ANXA7: variants seen among roughly 807,000 people sequenced by gnomAD.
ANXA7 encodes the protein annexin A7, also known as annexin VII.
ANXA7 carries 55 observed loss-of-function variants against 64.9 expected under a neutral mutation model. That is an observed-to-expected ratio of 0.85 (90% CI 0.68 to 1.06). ANXA7 has a LOEUF of 1.06. Among genes scored for constraint, ANXA7 ranks in the 50% least tolerant of loss-of-function variants. The probability of loss-of-function intolerance (pLI) is 0.00; values close to 1 mark genes in which losing one functional copy is unlikely to be tolerated. For synonymous variants in ANXA7, 200 were observed against 192.4 expected (o/e 1.04, Z -0.33); for missense variants, 548 against 582.1 (o/e 0.94, Z 0.60).
intron 5 of ANXA7, among the ~76,000 whole-genome samples, chr10:73,395,133 A>G (rs910978377): frequency 3.3e-5 from 5 of 152,206 alleles, no homozygotes; most frequent in Non-Finnish European, 7.3e-5. Flanking sequence ...TGTATAAGAG[A>G]GAGACCGCTG....
At chr10:73,395,692 A>T (rs530032972) in intron 5 of ANXA7, among the ~76,000 whole-genome samples, 2 of 152,148 alleles carry the variant, frequency 1.3e-5, no homozygotes, top group East Asian at 3.9e-4. Flanking sequence ...AGGCTGAGGC[A>T]GGAAAATCGC....
At chr10:73,376,761 T>G (rs1375207414) in intron 12 of ANXA7, among the ~76,000 whole-genome samples, 20 of 151,782 alleles carry the variant, frequency 1.3e-4, no homozygotes, top group Admixed American at 1.3e-3. Flanking sequence ...ACAAACCAAG[T>G]GTCACAGATG....
At chr10:73,405,675 A>C (rs1009090677) in intron 1 of ANXA7, among the ~76,000 whole-genome samples, 2 of 152,250 alleles carry the variant, frequency 1.3e-5, no homozygotes, top group Non-Finnish European at 2.9e-5. Flanking sequence ...GAATGATCAA[A>C]GGTTTAAACC....
At chr10:73,405,550 A>C (rs12253921) in intron 1 of ANXA7, among the ~76,000 whole-genome samples, 5,626 of 152,280 alleles carry the variant, frequency 0.037, 354 homozygotes, top group African/African-American at 0.13. Flanking sequence ...ACAACAACAA[A>C]AAAATCTAAA....
chr10:73,407,110 T>A (rs1225527257), intron 1 of ANXA7, among the ~76,000 whole-genome samples: 1 of 152,180 alleles, frequency 6.6e-6, no homozygotes, highest in Non-Finnish European at 1.5e-5. Context: ...ACAGTCTTGC[T>A]CTGTTGCTCA....
intron 1 of ANXA7, among the ~76,000 whole-genome samples, chr10:73,401,262 CA>C (rs200095320): frequency 3.3e-3 from 440 of 134,632 alleles, no homozygotes; most frequent in African/African-American, 0.013. Context: ...CACACATACA[CA>C]ACACACACAC....
chr10:73,411,403 T>C (rs2055835603), intron 1 of ANXA7, among the ~76,000 whole-genome samples: 2 of 152,138 alleles, frequency 1.3e-5, no homozygotes, highest in Admixed American at 6.5e-5. Context: ...AATTCATCCA[T>C]GTAACAAAAA....
rs2055150651 is a variant in ANXA7, at chr10:73,375,155, T to C, written c.*940A>G. The C allele has an allele frequency of 6.6e-6, 1 of 152,202 alleles. No homozygotes were observed. Among genetic ancestry groups the C allele is most frequent in the Non-Finnish European group, 1.5e-5 (1 of 68,050 alleles). 9.4% of individuals were successfully genotyped at this position (152,202 alleles called of 1,614,324 possible). On this transcript the variant is annotated 3_prime_UTR_variant, in exon 13 of 13. Coordinates refer to ENST00000372921, the MANE Select transcript of ANXA7 (RefSeq NM_001156.5). ...AAATAGCTGAACTTAAACACAGTGGTGGTTGTCCAGGTGAGAGGTGGGGAA... is the reference window on the plus strand; with the variant it reads ...AAATAGCTGAACTTAAACACAGTGGCGGTTGTCCAGGTGAGAGGTGGGGAA...
At chr10:73,387,440 G>A (rs745555687) in intron 7 of ANXA7, among the ~76,000 whole-genome samples, 3 of 152,228 alleles carry the variant, frequency 2.0e-5, no homozygotes, top group East Asian at 1.9e-4. Context: ...GCTTGAACTC[G>A]GGAAGCAAAG....
intron 5 of ANXA7, among the ~76,000 whole-genome samples, chr10:73,393,055 A>G (rs2055512163): frequency 6.6e-6 from 1 of 152,196 alleles, no homozygotes; most frequent in Non-Finnish European, 1.5e-5. Flanking sequence ...CTATACACCA[A>G]TAACAGACAA....
At chr10:73,378,058 A>G (rs1360437299) in intron 12 of ANXA7, among the ~76,000 whole-genome samples, 1 of 151,498 alleles carries the variant, frequency 6.6e-6, no homozygotes, top group Non-Finnish European at 1.5e-5. Context: ...GTAAGCCACG[A>G]CACCCCGCCA....
At chr10:73,389,581 A>G (rs778394101) in intron 5 of ANXA7, among the ~76,000 whole-genome samples, 1 of 152,234 alleles carries the variant, frequency 6.6e-6, no homozygotes, top group Admixed American at 6.5e-5. Flanking sequence ...TTAAAAGATA[A>G]AACAATTTAA....
chr10:73,401,602 T>G lies in ANXA7; in HGVS notation c.-1-745A>C, dbSNP rs572908965. Among the ~76,000 whole-genome samples, 5 of 152,066 alleles carry G rather than the reference T, an allele frequency of 3.3e-5. No homozygotes were observed. In the East Asian group the frequency reaches 9.7e-4, roughly 30 times the overall value. ...GCAACCTCCGCCTCCCGGGTCCAAG[T>G]GATTCTCCTGCCTCAGCCTCCCGAG... On this transcript the variant is annotated intron_variant, in intron 1 of 12. Transcript: ENST00000372921.
rs372457970 is a variant in ANXA7, at chr10:73,403,926, A to C, written c.-1-3069T>G. Reference sequence around the variant, plus strand: ...CGTACCTACTTAAGGATGTTGTTGTAAGAATTAAGTAAAAGAACAAAGGCA... The same window carrying C: ...CGTACCTACTTAAGGATGTTGTTGTCAGAATTAAGTAAAAGAACAAAGGCA... On this transcript the variant is annotated intron_variant, in intron 1 of 12. Transcript: ENST00000372921. Among the ~76,000 whole-genome samples the C allele has an allele frequency of 4.5e-4, 69 of 152,364 alleles. No individual in the cohort carries two copies. In the South Asian group the frequency reaches 0.012, roughly 26 times the overall value.
chr10:73,389,276 G>A (rs562553214), intron 5 of ANXA7, among the ~76,000 whole-genome samples: 3 of 152,172 alleles, frequency 2.0e-5, no homozygotes, highest in African/African-American at 7.2e-5. Context: ...AAGCATCAAG[G>A]GCATGAACAA....
intron 7 of ANXA7, among the ~76,000 whole-genome samples, chr10:73,384,837 G>C (rs1045171484): frequency 3.3e-5 from 5 of 152,124 alleles, no homozygotes; most frequent in African/African-American, 9.7e-5. Flanking sequence ...GTCAGCTGGA[G>C]AGCTCAGAGA....
In ANXA7 at chr10:73,408,879, G is replaced by C. The variant is rs550991806; in HGVS notation, c.-2+5133C>G. 3.3e-5 allele frequency among the ~76,000 whole-genome samples: 5 copies of C among 152,256 alleles called. No individual in the cohort carries two copies. The South Asian group carries it at 1.0e-3, about 32-fold the overall frequency. ...TGCTGGAATGATTTAACATATGCAA[G>C]TCAATAAATGTGATGTATCACATAA... On this transcript the variant is annotated intron_variant, in intron 1 of 12. Transcript: ENST00000372921.
intron 2 of ANXA7, 105 bp downstream of exon 2, chr10:73,400,698 T>C: frequency 1.2e-6 from 1 of 856,116 alleles, no homozygotes; most frequent in Non-Finnish European, 1.8e-6. Context: ...CCTCTGAGCA[T>C]CTGAATTTAT....
intron 1 of ANXA7, among the ~76,000 whole-genome samples, chr10:73,411,033 G>A (rs2055830681): frequency 6.6e-6 from 1 of 152,160 alleles, no homozygotes; most frequent in Admixed American, 6.5e-5. Flanking sequence ...CTGCAAAGAT[G>A]TGGAACCAAT....
Sources: allele counts gnomAD v4.1 joint callset (sites outside exome capture counted in the v4.1 genomes callset), GRCh38; gene constraint gnomAD v4.1.1; transcripts MANE v1.5; gene names NCBI Gene and HGNC (gene_info 2026-07-23, HGNC 2026-07-21).